The following SPECC1L variants were observed in gnomAD, a reference collection of about 807,000 sequenced individuals.
The protein encoded by SPECC1L is sperm antigen with calponin homology and coiled-coil domains 1 like, also known as cytospin-A.
In SPECC1L, 40 loss-of-function variants were observed where a neutral mutation model predicts 116.8. The ratio of observed to expected loss-of-function variants is 0.34; its 90% CI spans 0.27 to 0.45. SPECC1L has a LOEUF of 0.45. Among genes scored for constraint, SPECC1L ranks in the 20% least tolerant of loss-of-function variants. SPECC1L has a pLI of 1.00. For synonymous variants in SPECC1L, 504 were observed against 500.6 expected (o/e 1.01, Z -0.09); for missense variants, 1,110 against 1,373.6 (o/e 0.81, Z 3.03).
chr22:24,351,159 C>G (rs2041413833), intron 11 of SPECC1L, among the ~76,000 whole-genome samples: 1 of 152,148 alleles, frequency 6.6e-6, no homozygotes, highest in African/African-American at 2.4e-5. Context: ...GAAACCAGCA[C>G]CAGTGGTGTG....
chr22:24,280,915 A>G (rs576433288), intron 2 of SPECC1L, among the ~76,000 whole-genome samples: 2 of 152,020 alleles, frequency 1.3e-5, no homozygotes, highest in African/African-American at 2.4e-5. Context: ...TTTTCCCCCA[A>G]CCATTTAAAA....
At chr22:24,308,941 G>A (rs1159805458) in intron 3 of SPECC1L, among the ~76,000 whole-genome samples, 1 of 152,136 alleles carries the variant, frequency 6.6e-6, no homozygotes, top group African/African-American at 2.4e-5. Context: ...GAGCCCATCA[G>A]GCTGGTTCCT....
chr22:24,405,897 G>A (rs1478222680), intron 14 of SPECC1L, among the ~76,000 whole-genome samples: 3 of 151,794 alleles, frequency 2.0e-5, no homozygotes, highest in South Asian at 2.1e-4. Context: ...AGTAGGGGTC[G>A]AAGACTCGTC....
chr22:24,345,174 C>A (rs1251774414), intron 10 of SPECC1L, among the ~76,000 whole-genome samples: 1 of 151,814 alleles, frequency 6.6e-6, no homozygotes, highest in Non-Finnish European at 1.5e-5. Context: ...GTAGGCCAGT[C>A]GATTTTCTAC....
In SPECC1L at chr22:24,411,717, G is replaced by C. The variant is rs757009787; in HGVS notation, c.3204+13G>C. The stretch of plus-strand genomic sequence containing the variant: ...CAGCCAGGATAAGGTAGGCCATGGA[G>C]GGCCAGCTCCTGGCACCCACCTCAC... On this transcript the variant is annotated intron_variant, in intron 15 of 16. Coordinates refer to ENST00000314328, the MANE Select transcript of SPECC1L (RefSeq NM_015330.6). The C allele has an allele frequency of 6.2e-7, 1 of 1,602,340 alleles. No individual in the cohort carries two copies.
intron 13 of SPECC1L, among the ~76,000 whole-genome samples, chr22:24,366,202 T>G (rs1390842811): frequency 1.2e-4 from 1 of 8,276 alleles, no homozygotes; most frequent in Non-Finnish European, 2.2e-4. Flanking sequence ...GAACTTTTCT[T>G]TTTTTTTTTT....
chr22:24,347,293 C>T, intron 11 of SPECC1L, 117 bp downstream of exon 11: 1 of 769,554 alleles, frequency 1.3e-6, no homozygotes, highest in Non-Finnish European at 2.3e-6. Flanking sequence ...ATCTGGTATA[C>T]CTTTGTATCA....
intron 11 of SPECC1L, among the ~76,000 whole-genome samples, chr22:24,354,736 G>A (rs1198238467): frequency 1.3e-5 from 2 of 149,890 alleles, no homozygotes; most frequent in African/African-American, 2.5e-5. Context: ...ATCTCGGCTC[G>A]CTGCAACCTG....
chr22:24,358,105 G>GT (rs1243107856), intron 11 of SPECC1L, among the ~76,000 whole-genome samples: 32 of 132,864 alleles, frequency 2.4e-4, no homozygotes, highest in Non-Finnish European at 3.3e-4. Flanking sequence ...GAGGTGTTTT[G>GT]TTTTTTTTGG....
rs116884219 is a variant in SPECC1L at position 24,367,121 on chromosome 22, G to A, written c.2984+1489G>A. Among the ~76,000 whole-genome samples, 150 of 152,322 alleles carry A rather than the reference G, an allele frequency of 9.8e-4. 4 individuals are homozygous for A. In the East Asian group the frequency reaches 0.018, roughly 19 times the overall value. On this transcript the variant is annotated intron_variant, in intron 13 of 16. Coordinates refer to ENST00000314328, the MANE Select transcript of SPECC1L (RefSeq NM_015330.6). Reference sequence around the variant, plus strand: ...AGGCCCTAGAATCGCTTGAACCTGGGAGCCAGAGTATGCAGTGAGCGAGAT... The same window carrying A: ...AGGCCCTAGAATCGCTTGAACCTGGAAGCCAGAGTATGCAGTGAGCGAGAT...
At chr22:24,335,742 G>C (rs2041040447) in intron 9 of SPECC1L, among the ~76,000 whole-genome samples, 1 of 152,084 alleles carries the variant, frequency 6.6e-6, no homozygotes, top group African/African-American at 2.4e-5. Flanking sequence ...AGGACTGTTA[G>C]GCAACACCTT....
chr22:24,353,302 C>T (rs2041461842), intron 11 of SPECC1L, among the ~76,000 whole-genome samples: 1 of 152,166 alleles, frequency 6.6e-6, no homozygotes, highest in Non-Finnish European at 1.5e-5. Context: ...AGCTGCTTCT[C>T]ACTCTTCCCC....
intron 13 of SPECC1L, among the ~76,000 whole-genome samples, chr22:24,368,173 A>T (rs527776193): frequency 5.9e-5 from 9 of 152,334 alleles, no homozygotes; most frequent in East Asian, 3.9e-4. Context: ...TAGAATTTTT[A>T]AAAAATGAAT....
Position 24,334,390 on chromosome 22 carries a change from G to A in SPECC1L, c.2397-20G>A. The A allele has an allele frequency of 6.2e-7, 1 of 1,613,590 alleles. No homozygotes were observed. ...TCTAGTACCTATGTAAAAATGCTCT[G>A]ATTTCAATATTATTTTCAGGCAAGA... On this transcript the variant is annotated intron_variant, in intron 8 of 16. Coordinates refer to ENST00000314328, the MANE Select transcript of SPECC1L (RefSeq NM_015330.6).
At chr22:24,412,248 A>G (rs1005805710) in intron 15 of SPECC1L, 1 of 360,682 alleles carries the variant, frequency 2.8e-6, no homozygotes, top group Non-Finnish European at 5.4e-6. Flanking sequence ...CGCAGCCCCC[A>G]CCCCAGTCCC....
At chr22:24,404,323 A>G (rs1437956248) in intron 14 of SPECC1L, among the ~76,000 whole-genome samples, 2 of 152,004 alleles carry the variant, frequency 1.3e-5, no homozygotes, top group African/African-American at 4.8e-5. Flanking sequence ...GTCTCTCCGC[A>G]CTGCTCTCCT....
chr22:24,328,803 A>G (rs768926682), intron 6 of SPECC1L, 43 bp from the exon 7 acceptor site: 1 of 1,458,402 alleles, frequency 6.9e-7, no homozygotes, highest in Non-Finnish European at 9.6e-7. Context: ...TACTCTGAAG[A>G]TTGTTGTGAG....
At chr22:24,317,092 C>T (rs2146456532) in intron 4 of SPECC1L, among the ~76,000 whole-genome samples, 1 of 117,594 alleles carries the variant, frequency 8.5e-6, no homozygotes, top group South Asian at 2.8e-4. Context: ...GGGGCTGACC[C>T]CCCCACCTCC....
In SPECC1L at chr22:24,415,929, A is replaced by G. The variant is rs529975666; in HGVS notation, c.*1306A>G. Reference sequence around the variant, plus strand: ...CTCCCGTGTGCCTAACGCAGTAGCTATTGGTTTGAACAATGTCCAGACAAG... The same window carrying G: ...CTCCCGTGTGCCTAACGCAGTAGCTGTTGGTTTGAACAATGTCCAGACAAG... On this transcript the variant is annotated 3_prime_UTR_variant, in exon 17 of 17. Coordinates refer to ENST00000314328, the MANE Select transcript of SPECC1L (RefSeq NM_015330.6). 1.3e-5 allele frequency: 2 copies of G among 152,328 alleles called. No homozygotes were observed. Among genetic ancestry groups the G allele is most frequent in the East Asian group, 1.9e-4 (1 of 5,186 alleles). The allele number at this position is 152,328 out of a possible 1,614,324, so 9.4% of individuals were successfully genotyped here. A position where few individuals can be genotyped will look rare whatever the true frequency, so the allele number is the denominator to read the frequency against.
Sources: gnomAD v4.1 joint callset for allele counts (sites outside exome capture counted in the v4.1 genomes callset) on GRCh38, gnomAD v4.1.1 for gene constraint, MANE v1.5 for transcripts, NCBI Gene and HGNC (gene_info 2026-07-23, HGNC 2026-07-21) for gene names.